ITIH5: variants seen among roughly 807,000 people sequenced by gnomAD.
ITIH5 encodes the protein inter-alpha-trypsin inhibitor heavy chain 5, also known as inter-alpha-trypsin inhibitor heavy chain H5.
Under a neutral mutation model 77.5 loss-of-function variants are expected in ITIH5, and 65 were observed. The ratio of observed to expected loss-of-function variants is 0.84; its 90% confidence interval spans 0.69 to 1.03. The LOEUF is 1.03. Among genes scored for constraint, ITIH5 ranks in the 50% least tolerant of loss-of-function variants. ITIH5 has a pLI of 0.00. For synonymous variants in ITIH5, 525 were observed against 494.3 expected (o/e 1.06, Z -0.82); for missense variants, 1,208 against 1,213.1 (o/e 1.00, Z 0.06).
At chr10:7,614,236 T>A (rs1833317466) in intron 7 of ITIH5, among the ~76,000 whole-genome samples, 1 of 152,068 alleles carries the variant, frequency 6.6e-6, no homozygotes, top group South Asian at 2.1e-4. Flanking sequence ...GAAGAAAAAG[T>A]CAAAAATGGA....
chr10:7,587,806 C>T (rs1361039697), intron 7 of ITIH5, among the ~76,000 whole-genome samples: 1 of 152,176 alleles, frequency 6.6e-6, no homozygotes, highest in Non-Finnish European at 1.5e-5. Context: ...CTAAGTGGCT[C>T]TGGGACACCC....
intron 7 of ITIH5, among the ~76,000 whole-genome samples, chr10:7,608,441 G>A (rs1833176269): frequency 6.6e-6 from 1 of 152,054 alleles, no homozygotes; most frequent in African/African-American, 2.4e-5. Context: ...CATCATGCCT[G>A]GCTAATTTTG....
chr10:7,613,290 C>T (rs1157331859), intron 7 of ITIH5, among the ~76,000 whole-genome samples: 2 of 150,830 alleles, frequency 1.3e-5, no homozygotes, highest in African/African-American at 2.5e-5. Context: ...GCCCATAATG[C>T]GAAGAACTTC....
intron 5 of ITIH5, among the ~76,000 whole-genome samples, chr10:7,631,301 C>T (rs1372831529): frequency 6.6e-6 from 1 of 152,136 alleles, no homozygotes; most frequent in Non-Finnish European, 1.5e-5. Flanking sequence ...CTGAGGTTGG[C>T]AATGGAGCCG....
Position 7,566,372 on chromosome 10 carries a change from C to CG in ITIH5, c.2184dup (p.Ala729ArgfsTer148). The CG allele has an allele frequency of 6.2e-7, 1 of 1,600,434 alleles. No homozygotes were observed. The highest frequency in any genetic ancestry group is 8.6e-7 in the Non-Finnish European group (1 of 1,168,632). On this transcript the variant is annotated frameshift_variant, in exon 13 of 14. Transcript: ENST00000397146. LOFTEE classifies it high-confidence loss of function. The stretch of plus-strand genomic sequence containing the variant: ...TGTTTCTTGTGGCCATTTGGAGGGG[C>CG]GGGTGCCCCAATTAACTCTCCGTTC...
At chr10:7,584,822 C>A (rs1832640717) in intron 8 of ITIH5, among the ~76,000 whole-genome samples, 1 of 152,148 alleles carries the variant, frequency 6.6e-6, no homozygotes, top group South Asian at 2.1e-4. Flanking sequence ...GGACTTCCTG[C>A]CGTAGAGCAT....
Position 7,576,773 on chromosome 10 carries a change from C to A in ITIH5, c.1658G>T (p.Gly553Val). 6.2e-7 allele frequency: 1 copy of A among 1,614,204 alleles called. No homozygotes were observed. The highest frequency in any genetic ancestry group is 2.2e-5 in the East Asian group (1 of 44,890). The change falls in exon 10 of 14, where the codon GGG (glycine) becomes GTG (valine). Residue 553 changes from glycine to valine, a missense_variant. By Grantham distance (109) the Gly-to-Val change is moderately radical. Transcript: ENST00000397146. ...CCTGGGGCTTCCTGTGACATCTTTCCCTGCCTTCTGAGGCCGCACAGGCAC... is the reference window on the plus strand; with the variant it reads ...CCTGGGGCTTCCTGTGACATCTTTCACTGCCTTCTGAGGCCGCACAGGCAC... Reference protein sequence around the residue: ...TDVPVRPQKAGKDVTGSPRPG... With the variant: ...TDVPVRPQKAVKDVTGSPRPG...
chr10:7,624,811 ATACACATATATATGTG>A (rs1564266517), intron 5 of ITIH5, among the ~76,000 whole-genome samples: 21 of 123,578 alleles, frequency 1.7e-4, no homozygotes, highest in African/African-American at 5.7e-4. Context: ...ATATATATAT[ATACACATATATATGTG>A]TATATACATG....
chr10:7,624,854 TG>T (rs1833543770), intron 5 of ITIH5, among the ~76,000 whole-genome samples: 1 of 104,360 alleles, frequency 9.6e-6, no homozygotes, highest in South Asian at 3.1e-4. Flanking sequence ...CACATATATA[TG>T]TGTATATATG....
chr10:7,596,809 A>G (rs778455287), intron 7 of ITIH5, among the ~76,000 whole-genome samples: 14 of 151,968 alleles, frequency 9.2e-5, no homozygotes, highest in Non-Finnish European at 1.5e-4. Context: ...ACACTTTGGG[A>G]GGTCGAGGAA....
intron 5 of ITIH5, among the ~76,000 whole-genome samples, chr10:7,626,366 A>C (rs534151431): frequency 1.3e-5 from 2 of 152,344 alleles, no homozygotes; most frequent in East Asian, 3.9e-4. Context: ...CAAAACAAAC[A>C]AGATAACATG....
intron 8 of ITIH5, among the ~76,000 whole-genome samples, chr10:7,585,477 C>A (rs1299532886): frequency 1.3e-5 from 2 of 152,178 alleles, no homozygotes; most frequent in Non-Finnish European, 2.9e-5. Context: ...GCAGCTCTAC[C>A]AAGAGGGCTC....
intron 5 of ITIH5, among the ~76,000 whole-genome samples, chr10:7,632,538 G>A (rs926434761): frequency 6.6e-6 from 1 of 152,046 alleles, no homozygotes; most frequent in African/African-American, 2.4e-5. Context: ...TCAAGTGGCA[G>A]AAAAAAATAA....
At chr10:7,657,939 A>C (rs564857657) in intron 1 of ITIH5, among the ~76,000 whole-genome samples, 2 of 152,338 alleles carry the variant, frequency 1.3e-5, no homozygotes, top group South Asian at 4.1e-4. Flanking sequence ...CTGCTGACCC[A>C]AGATGGACAA....
chr10:7,663,625 G>C (rs181446651), intron 1 of ITIH5, among the ~76,000 whole-genome samples: 140 of 152,112 alleles, frequency 9.2e-4, no homozygotes, highest in Non-Finnish European at 1.7e-3. Context: ...TTTCCTTCAA[G>C]AGGGTCCTGC....
At chr10:7,640,706 G>T (rs752002928) in intron 4 of ITIH5, 48 bp downstream of exon 4, 1 of 1,187,388 alleles carries the variant, frequency 8.4e-7, no homozygotes, top group South Asian at 1.2e-5. Flanking sequence ...AGAAAATGTG[G>T]CACTTTGCTA....
intron 13 of ITIH5, among the ~76,000 whole-genome samples, chr10:7,565,653 TAC>T (rs1300188960): frequency 2.7e-5 from 4 of 148,720 alleles, no homozygotes; most frequent in Admixed American, 6.8e-5. Flanking sequence ...TGTATATATA[TAC>T]ACACACATAC....
chr10:7,651,359 G>A (rs913630943), intron 2 of ITIH5, among the ~76,000 whole-genome samples: 8 of 152,054 alleles, frequency 5.3e-5, no homozygotes, highest in African/African-American at 1.2e-4. Context: ...CAGGGCAGGC[G>A]GATCACCTGA....
intron 7 of ITIH5, among the ~76,000 whole-genome samples, chr10:7,599,051 T>C (rs1832963671): frequency 1.3e-5 from 2 of 152,260 alleles, no homozygotes; most frequent in African/African-American, 4.8e-5. Flanking sequence ...CATGTCATTG[T>C]ACGTTTTTCT....
Sources: gnomAD v4.1 joint callset for allele counts (sites outside exome capture counted in the v4.1 genomes callset) on GRCh38, gnomAD v4.1.1 for gene constraint, MANE v1.5 for transcripts, NCBI Gene and HGNC (gene_info 2026-07-23, HGNC 2026-07-21) for gene names.